The following HAUS6 variants were observed in gnomAD, a reference collection of about 807,000 sequenced individuals.
HAUS6 encodes the protein HAUS augmin like complex subunit 6, also known as HAUS augmin-like complex subunit 6.
In HAUS6, 80 loss-of-function variants were observed where a neutral mutation model predicts 106.8. That is an observed-to-expected ratio of 0.75 (90% CI 0.63 to 0.90). The LOEUF is 0.90. Ranked by LOEUF, HAUS6 falls within the 40% of genes least tolerant of loss-of-function variation. HAUS6 has a pLI of 0.00. For synonymous variants in HAUS6, 356 were observed against 379.1 expected (o/e 0.94, Z 0.71); for missense variants, 1,155 against 1,118.1 (o/e 1.03, Z -0.47).
intron 2 of HAUS6, 37 bp downstream of exon 2, chr9:19,096,637 G>T (rs564638228): frequency 1.1e-6 from 1 of 872,070 alleles, no homozygotes; most frequent in Non-Finnish European, 1.8e-6. Flanking sequence ...TTCAAATTTG[G>T]AAAGAAATTT....
chr9:19,082,709 C>T (rs1476440983), intron 8 of HAUS6, among the ~76,000 whole-genome samples, 164 bp downstream of exon 8: 2 of 151,886 alleles, frequency 1.3e-5, no homozygotes, highest in Non-Finnish European at 2.9e-5. Context: ...CCACGCCACG[C>T]CATTGCACTC....
Position 19,089,411 on chromosome 9 carries a change from C to T in HAUS6, c.584+1G>A. ...TTTCTAACTATCAAGGTACTACTTA[C>T]TGTGCATTTTCCTGATATTTTTGGG... On this transcript the variant is annotated splice_donor_variant, in intron 5 of 16. Coordinates refer to ENST00000380502, the MANE Select transcript of HAUS6 (RefSeq NM_017645.5). LOFTEE classifies it high-confidence loss of function. 6.3e-7 allele frequency: 1 copy of T among 1,587,138 alleles called. No individual in the cohort carries two copies. Among genetic ancestry groups the T allele is most frequent in the Non-Finnish European group, 8.7e-7 (1 of 1,155,530 alleles).
At chr9:19,094,964 T>C (rs1272784511) in intron 2 of HAUS6, among the ~76,000 whole-genome samples, 1 of 152,080 alleles carries the variant, frequency 6.6e-6, no homozygotes, top group Non-Finnish European at 1.5e-5. Context: ...TAAAAATTGC[T>C]GAAAATCAGC....
chr9:19,082,796 CA>C (rs1837188358), intron 8 of HAUS6, 76 bp downstream of exon 8: 2 of 763,738 alleles, frequency 2.6e-6, no homozygotes, highest in Non-Finnish European at 3.9e-6. Flanking sequence ...ATTCTGAAAG[CA>C]GAAGAACATT....
intron 16 of HAUS6, chr9:19,057,304 G>A (rs1189606334): frequency 2.0e-5 from 3 of 152,218 alleles, no homozygotes; most frequent in Non-Finnish European, 4.4e-5. Context: ...CACAAGGGAA[G>A]AATACCATGT....
chr9:19,079,306 A>T (rs1302373354), intron 9 of HAUS6, among the ~76,000 whole-genome samples: 1 of 147,932 alleles, frequency 6.8e-6, no homozygotes, highest in Non-Finnish European at 1.5e-5. Flanking sequence ...ATCTCAGCTC[A>T]CTGCAACCTC....
At chr9:19,094,660 T>C (rs927254147) in intron 2 of HAUS6, among the ~76,000 whole-genome samples, 1 of 152,004 alleles carries the variant, frequency 6.6e-6, no homozygotes, top group African/African-American at 2.4e-5. Flanking sequence ...GGCATAGTGG[T>C]GTGCGCCTAT....
intron 1 of HAUS6, among the ~76,000 whole-genome samples, chr9:19,101,971 G>A (rs1442684024): frequency 6.6e-6 from 1 of 152,154 alleles, no homozygotes; most frequent in African/African-American, 2.4e-5. Flanking sequence ...TAGAGATACT[G>A]GCTAAAGTTG....
intron 7 of HAUS6, 147 bp downstream of exon 7, chr9:19,086,587 T>C: frequency 4.3e-6 from 2 of 469,262 alleles, no homozygotes; most frequent in Non-Finnish European, 3.7e-6. Context: ...GCCACTGCAC[T>C]CCAGCCTGGG....
intron 2 of HAUS6, among the ~76,000 whole-genome samples, chr9:19,095,529 G>C (rs1817843628): frequency 6.6e-6 from 1 of 150,596 alleles, no homozygotes; most frequent in African/African-American, 2.4e-5. Flanking sequence ...ATTAAAATCT[G>C]TTTTTATTTG....
intron 11 of HAUS6, among the ~76,000 whole-genome samples, chr9:19,072,913 G>A (rs772220689): frequency 6.6e-6 from 1 of 151,932 alleles, no homozygotes; most frequent in Non-Finnish European, 1.5e-5. Flanking sequence ...ACAATCACAT[G>A]TAATGAACTA....
chr9:19,071,318 G>A (rs1836877624), intron 11 of HAUS6, among the ~76,000 whole-genome samples: 1 of 152,078 alleles, frequency 6.6e-6, no homozygotes, highest in Non-Finnish European at 1.5e-5. Flanking sequence ...CAAAAAAGTT[G>A]TAAATATGAA....
At chr9:19,063,363 A>G (rs950885464) in intron 13 of HAUS6, 151 bp downstream of exon 13, 15 of 612,986 alleles carry the variant, frequency 2.4e-5, no homozygotes, top group Admixed American at 1.1e-4. Context: ...CCACTTAGCA[A>G]TAAGGAATAT....
intron 4 of HAUS6, chr9:19,089,829 TG>T (rs1224057352): frequency 2.9e-5 from 12 of 414,334 alleles, no homozygotes; most frequent in Admixed American, 1.3e-4. Flanking sequence ...TGTTTTGTTT[TG>T]GTATTTTGGG....
intron 1 of HAUS6, among the ~76,000 whole-genome samples, chr9:19,097,579 T>A (rs1817891018): frequency 6.6e-6 from 1 of 151,976 alleles, no homozygotes. Flanking sequence ...AGAATGGGGA[T>A]CATTAAAAAG....
At position 19,053,219 on chromosome 9, in the gene HAUS6, T is replaced by C. The variant is rs1208625112; in HGVS notation, c.*3124A>G. On this transcript the variant is annotated 3_prime_UTR_variant, in exon 17 of 17. Coordinates refer to ENST00000380502, the MANE Select transcript of HAUS6 (RefSeq NM_017645.5). The stretch of plus-strand genomic sequence containing the variant: ...TCCCATAGAGGATTCTCAAATATTT[T>C]AAACTTAGGATGCAGACTGCTATTC... 1 of 152,176 alleles carries C rather than the reference T, an allele frequency of 6.6e-6. No homozygotes were observed. Among genetic ancestry groups the C allele is most frequent in the East Asian group, 1.9e-4 (1 of 5,202 alleles). 9.4% of individuals were successfully genotyped at this position (152,176 alleles called of 1,614,324 possible).
At chr9:19,064,132 T>C (rs751075139) in intron 12 of HAUS6, among the ~76,000 whole-genome samples, 9 of 152,060 alleles carry the variant, frequency 5.9e-5, no homozygotes, top group African/African-American at 2.2e-4. Context: ...AACACCTGAG[T>C]AATTTTGTCT....
chr9:19,096,620 G>C (rs1320974511), intron 2 of HAUS6, 54 bp downstream of exon 2: 1 of 674,714 alleles, frequency 1.5e-6, no homozygotes, highest in African/African-American at 2.1e-5. Flanking sequence ...TCAAAACGCT[G>C]TCCATTTTCA....
Position 19,060,088 on chromosome 9 carries a change from T to G in HAUS6, c.1765A>C (p.Ile589Leu). ...NQIPRTPENL[I>L]TEIRSSWRKA... ...GTAACAGAAAGCATTATTAACTTACTCAAGTTTTCTGGAGTACGGGGAATC... is the reference window on the plus strand; with the variant it reads ...GTAACAGAAAGCATTATTAACTTACGCAAGTTTTCTGGAGTACGGGGAATC... Residue 589 changes from isoleucine to leucine, a missense_variant and splice_region_variant, in exon 15 of 17, where the codon ATA becomes CTA. Around this residue, in one of 3 missense-constraint regions of HAUS6, gnomAD observed 761 missense variants for 690.0 expected, o/e 1.10. Coordinates refer to ENST00000380502, the MANE Select transcript of HAUS6 (RefSeq NM_017645.5). 1 of 1,606,474 alleles carries G rather than the reference T, an allele frequency of 6.2e-7. No individual in the cohort carries two copies. The highest frequency in any genetic ancestry group is 8.5e-7 in the Non-Finnish European group (1 of 1,175,956).
Sources: allele counts gnomAD v4.1 joint callset (sites outside exome capture counted in the v4.1 genomes callset), GRCh38; gene constraint gnomAD v4.1.1; regional missense constraint gnomAD v4.1.1; transcripts MANE v1.5; gene names NCBI Gene and HGNC (gene_info 2026-07-23, HGNC 2026-07-21).